MAST2: variants seen among roughly 807,000 people sequenced by gnomAD.
MAST2 encodes microtubule-associated serine/threonine-protein kinase 2.
MAST2 carries 70 observed loss-of-function variants against 147.4 expected under a neutral mutation model. That is an observed-to-expected ratio of 0.47 (90% CI 0.39 to 0.58). The LOEUF (loss-of-function observed/expected upper bound fraction) is 0.58, where lower values mean the gene tolerates loss of function less well. MAST2 is among the 20% of genes least tolerant of loss of function. The pLI is 0.00. For missense variants in MAST2, 2,080 were observed against 2,302.3 expected, an observed-to-expected ratio of 0.90 and a Z score of 1.98; for synonymous variants, 869 against 896.8, an observed-to-expected ratio of 0.97 and a Z score of 0.55.
chr1:45,983,935 G>A (rs1333292223), intron 5 of MAST2, among the ~76,000 whole-genome samples: 6 of 152,116 alleles, frequency 3.9e-5, no homozygotes, highest in Non-Finnish European at 8.8e-5. Flanking sequence ...AAAGAAATTT[G>A]TGCCATGAAA....
At chr1:46,032,942 C>T (rs1189293060) in intron 26 of MAST2, among the ~76,000 whole-genome samples, 3 of 150,358 alleles carry the variant, frequency 2.0e-5, no homozygotes, top group African/African-American at 7.4e-5. Context: ...ACCAGCCTAG[C>T]CAACATGGTG....
intron 4 of MAST2, among the ~76,000 whole-genome samples, chr1:45,935,063 A>G (rs990310444): frequency 2.0e-5 from 3 of 152,172 alleles, no homozygotes; most frequent in African/African-American, 7.2e-5. Flanking sequence ...GCCAGCATCC[A>G]TTATTTTTTG....
intron 11 of MAST2, 80 bp downstream of exon 11, chr1:46,019,777 T>G: frequency 2.5e-6 from 3 of 1,218,028 alleles, no homozygotes; most frequent in Non-Finnish European, 3.6e-6. Flanking sequence ...AGCAAAACTG[T>G]GGTGGTAACC....
intron 2 of MAST2, among the ~76,000 whole-genome samples, chr1:45,829,114 G>A (rs538720902): frequency 1.3e-5 from 2 of 152,258 alleles, no homozygotes; most frequent in East Asian, 3.9e-4. Flanking sequence ...TTGAGGTGAT[G>A]AGAAACTATG....
At chr1:45,860,181 AC>A (rs1645927898) in intron 3 of MAST2, among the ~76,000 whole-genome samples, 1 of 146,582 alleles carries the variant, frequency 6.8e-6, no homozygotes, top group South Asian at 2.2e-4. Context: ...AACATGGTAA[AC>A]CCCTGTCTCT....
chr1:45,851,950 T>C (rs1645635202), intron 3 of MAST2, among the ~76,000 whole-genome samples: 1 of 151,780 alleles, frequency 6.6e-6, no homozygotes, highest in Non-Finnish European at 1.5e-5. Context: ...AGGAATTTCC[T>C]TTTTTTTCAG....
At chr1:45,924,024 A>C (rs557861722) in intron 4 of MAST2, among the ~76,000 whole-genome samples, 1 of 152,132 alleles carries the variant, frequency 6.6e-6, no homozygotes, top group Non-Finnish European at 1.5e-5. Context: ...GACACCCGCC[A>C]CCACACCTGG....
At chr1:45,878,108 G>T (rs1441370317) in intron 3 of MAST2, among the ~76,000 whole-genome samples, 1 of 151,470 alleles carries the variant, frequency 6.6e-6, no homozygotes, top group East Asian at 1.9e-4. Context: ...GGAGGCTGAG[G>T]CAGGAAAATC....
rs367762906 is a variant in MAST2, at chr1:46,003,496, G to C, written c.747+613G>C. Among the ~76,000 whole-genome samples the C allele has an allele frequency of 1.5e-4, 23 of 151,572 alleles. No individual in the cohort carries two copies. In the East Asian group the frequency reaches 1.9e-3, roughly 13 times the overall value. On this transcript the variant is annotated intron_variant, in intron 7 of 28. Coordinates refer to ENST00000361297, the MANE Select transcript of MAST2 (RefSeq NM_015112.3). Reference sequence around the variant, plus strand: ...GAGCAACTTTTTTTTTTTTGAAAGAGTGTCACTGTCACCCAGGCTGGAGTG... The same window carrying C: ...GAGCAACTTTTTTTTTTTTGAAAGACTGTCACTGTCACCCAGGCTGGAGTG...
chr1:45,945,102 C>A (rs1443789865), intron 4 of MAST2, among the ~76,000 whole-genome samples: 1 of 152,108 alleles, frequency 6.6e-6, no homozygotes, highest in Non-Finnish European at 1.5e-5. Flanking sequence ...CAGTTCATAA[C>A]CAGCCTGGGC....
At chr1:45,829,623 C>G in intron 3 of MAST2, 42 bp downstream of exon 3, 1 of 1,565,610 alleles carries the variant, frequency 6.4e-7, no homozygotes, top group Non-Finnish European at 8.7e-7. Context: ...ATGAAAAATC[C>G]ATAATTGTCA....
Position 46,027,842 on chromosome 1 carries a change from C to T in MAST2, c.2031C>T (p.Ala677=). The part of the protein sequence containing the change: ...NLYEGHIEKD[A]REFLDKQVCG... ...ATGAGGGTCATATTGAAAAGGATGC[C>T]CGGGAATTCCTGGACAAGCAGGTAA... The change falls in exon 17 of 29, where the codon GCC becomes GCT. Residue 677 remains alanine, a synonymous_variant. Transcript: ENST00000361297. The T allele has an allele frequency of 1.2e-6, 2 of 1,614,000 alleles. No individual in the cohort carries two copies. Among genetic ancestry groups the T allele is most frequent in the African/African-American group, 1.3e-5 (1 of 74,994 alleles).
intron 18 of MAST2, 184 bp from the exon 19 acceptor site, chr1:46,029,282 T>A (rs1011742118): frequency 1.8e-6 from 1 of 567,044 alleles, no homozygotes; most frequent in Admixed American, 3.0e-5. Context: ...CTGCTGTGGA[T>A]CAAAGATCAA....
intron 2 of MAST2, among the ~76,000 whole-genome samples, chr1:45,825,762 C>T (rs1174300933): frequency 6.6e-6 from 1 of 151,494 alleles, no homozygotes; most frequent in East Asian, 2.0e-4. Flanking sequence ...TTCTGATTGT[C>T]ATGAGTAAAT....
At chr1:45,933,585 C>CA (rs11312369) in intron 4 of MAST2, among the ~76,000 whole-genome samples, 1,750 of 102,222 alleles carry the variant, frequency 0.017, 24 homozygotes, top group African/African-American at 0.044. Flanking sequence ...ACTAAAAATG[C>CA]AAAAAAAAAA....
chr1:45,907,800 A>G (rs1651020557), intron 4 of MAST2, among the ~76,000 whole-genome samples: 1 of 152,132 alleles, frequency 6.6e-6, no homozygotes, highest in African/African-American at 2.4e-5. Context: ...AATACTTCAT[A>G]TCAGTGGAAT....
At position 45,866,747 on chromosome 1, in the gene MAST2, C is replaced by CT. The variant is rs5773895; in HGVS notation, c.469-15605dup. On this transcript the variant is annotated intron_variant, in intron 3 of 28. Transcript: ENST00000361297. ...ATTTTTCCCCTATTTATTTTGTCTA[C>CT]TTTTTTTTTTTTGAGATGGAGTCTC... is the stretch of plus-strand genomic sequence containing the variant. Among the ~76,000 whole-genome samples the CT allele has an allele frequency of 8.9e-4, 132 of 147,738 alleles. 1 individual carries two copies. The highest frequency in any genetic ancestry group is 1.2e-3 in the African/African-American group (48 of 40,382).
At chr1:45,810,672 G>A (rs892894861) in intron 1 of MAST2, among the ~76,000 whole-genome samples, 5 of 151,402 alleles carry the variant, frequency 3.3e-5, no homozygotes, top group Admixed American at 6.6e-5. Flanking sequence ...ATAGCCAGGC[G>A]TCTTGGTGGG....
intron 12 of MAST2, among the ~76,000 whole-genome samples, chr1:46,022,372 T>A (rs1410146996): frequency 3.9e-5 from 6 of 152,308 alleles, no homozygotes; most frequent in African/African-American, 1.4e-4. Flanking sequence ...ACAATCACAT[T>A]TGCAAAAATG....
Sources: allele counts gnomAD v4.1 joint callset (sites outside exome capture counted in the v4.1 genomes callset), GRCh38; gene constraint gnomAD v4.1.1; transcripts MANE v1.5; gene names NCBI Gene and HGNC (gene_info 2026-07-23, HGNC 2026-07-21).